SPIRE1: variants seen among roughly 807,000 people sequenced by gnomAD.
SPIRE1 encodes the protein spire type actin nucleation factor 1.
Under a neutral mutation model 94.1 loss-of-function variants are expected in SPIRE1, and 40 were observed. The observed-to-expected ratio is 0.43, with a 90% CI of 0.33 to 0.55. SPIRE1 has a LOEUF of 0.55. SPIRE1 is among the 20% of genes least tolerant of loss of function. The pLI, the probability that SPIRE1 is intolerant of heterozygous loss-of-function variation, is 0.06. For missense variants in SPIRE1, 838 were observed against 975.2 expected (o/e 0.86, Z 1.87); for synonymous variants, 376 against 371.7 (o/e 1.01, Z -0.13).
intron 4 of SPIRE1, among the ~76,000 whole-genome samples, chr18:12,530,368 C>T (rs1376020849): frequency 2.6e-5 from 4 of 152,080 alleles, no homozygotes; most frequent in East Asian, 1.9e-4. Context: ...GCCTCCTCCC[C>T]GATTTTTATG....
chr18:12,591,035 A>G (rs2036520711), intron 2 of SPIRE1, among the ~76,000 whole-genome samples: 1 of 152,244 alleles, frequency 6.6e-6, no homozygotes, highest in South Asian at 2.1e-4. Context: ...AGGCAATAAG[A>G]TTAATAAACA....
At chr18:12,531,042 T>C (rs2034667090) in intron 4 of SPIRE1, among the ~76,000 whole-genome samples, 1 of 152,216 alleles carries the variant, frequency 6.6e-6, no homozygotes, top group South Asian at 2.1e-4. Flanking sequence ...ACTCTATCTT[T>C]TCTCATTTCA....
chr18:12,495,534 TAA>T (rs2033426778), intron 7 of SPIRE1, among the ~76,000 whole-genome samples: 1 of 152,124 alleles, frequency 6.6e-6, no homozygotes, highest in African/African-American at 2.4e-5. Context: ...TTGTTTTGAG[TAA>T]AAGTATCCTA....
rs550870234 is a variant in SPIRE1 at position 12,508,955 on chromosome 18, G to A, written c.808-2314C>T. ...CTCCCAAAGTGCTGAGATTACAGGC[G>A]TGAGGCCCTGTGCCTGGCCCACACT... On this transcript the variant is annotated intron_variant, in intron 5 of 16. Coordinates refer to ENST00000409402, the MANE Select transcript of SPIRE1 (RefSeq NM_001128626.2). 3.3e-5 allele frequency among the ~76,000 whole-genome samples: 5 copies of A among 152,270 alleles called. No individual in the cohort carries two copies. The South Asian group carries it at 1.0e-3, about 32-fold the overall frequency.
At position 12,623,273 on chromosome 18, in the gene SPIRE1, C is replaced by A. The variant is rs1305605076; in HGVS notation, c.372+11789G>T. On this transcript the variant is annotated intron_variant, in intron 2 of 16. Coordinates refer to ENST00000409402, the MANE Select transcript of SPIRE1 (RefSeq NM_001128626.2). Reference sequence around the variant, plus strand: ...GGTTCATGCCATTCTCCTGCCTCAGCCTCCTGAGTAGCTGGGACTACAGGC... The same window carrying A: ...GGTTCATGCCATTCTCCTGCCTCAGACTCCTGAGTAGCTGGGACTACAGGC... Among the ~76,000 whole-genome samples, 5 of 152,068 alleles carry A rather than the reference C, an allele frequency of 3.3e-5. No individual in the cohort carries two copies. The East Asian group carries it at 9.8e-4, about 30-fold the overall frequency.
In SPIRE1 at chr18:12,451,556, G is replaced by A. The variant is rs546309528; in HGVS notation, c.2012+699C>T. On this transcript the variant is annotated intron_variant, in intron 16 of 16. Transcript: ENST00000409402. The stretch of plus-strand genomic sequence containing the variant: ...AAATTCACACCCAGAGGTCTCAGAG[G>A]AGGCAGCCCAAGCACAGAGGCAGAC... Among the ~76,000 whole-genome samples, 23 of 152,294 alleles carry A rather than the reference G, an allele frequency of 1.5e-4. No homozygotes were observed. In the South Asian group the frequency reaches 2.9e-3, roughly 19 times the overall value.
intron 10 of SPIRE1, among the ~76,000 whole-genome samples, chr18:12,473,190 T>C (rs987290056): frequency 6.6e-6 from 1 of 152,270 alleles, no homozygotes; most frequent in East Asian, 1.9e-4. Context: ...CCCAGAGTGC[T>C]GGGATTATAG....
At chr18:12,484,706 G>A (rs1356756571) in intron 9 of SPIRE1, among the ~76,000 whole-genome samples, 2 of 152,130 alleles carry the variant, frequency 1.3e-5, no homozygotes, top group African/African-American at 4.8e-5. Context: ...TAAAACAGTA[G>A]CTTCCAAAAT....
At chr18:12,573,460 G>A (rs2036009594) in intron 2 of SPIRE1, among the ~76,000 whole-genome samples, 1 of 152,260 alleles carries the variant, frequency 6.6e-6, no homozygotes, top group East Asian at 1.9e-4. Flanking sequence ...TGGCAAATAT[G>A]CTTCTTGGTA....
At chr18:12,498,790 C>A (rs1273361793) in intron 6 of SPIRE1, among the ~76,000 whole-genome samples, 1 of 152,124 alleles carries the variant, frequency 6.6e-6, no homozygotes, top group East Asian at 1.9e-4. Flanking sequence ...CCATCCCCAG[C>A]TAGTTTTTAA....
chr18:12,619,066 T>G (rs1019466298), intron 2 of SPIRE1, among the ~76,000 whole-genome samples: 1 of 152,042 alleles, frequency 6.6e-6, no homozygotes, highest in Non-Finnish European at 1.5e-5. Context: ...GTATTTTTAG[T>G]AGAGACAGGG....
intron 2 of SPIRE1, among the ~76,000 whole-genome samples, chr18:12,553,524 T>C (rs1444052166): frequency 6.6e-6 from 1 of 152,172 alleles, no homozygotes; most frequent in Non-Finnish European, 1.5e-5. Flanking sequence ...TGGGAAGGAC[T>C]GTGTCCCATG....
chr18:12,587,991 C>G (rs990578261), intron 2 of SPIRE1, among the ~76,000 whole-genome samples: 2 of 152,124 alleles, frequency 1.3e-5, no homozygotes, highest in African/African-American at 2.4e-5. Flanking sequence ...TTTTCTCCAA[C>G]CCTACTCCCT....
At chr18:12,620,129 A>G (rs962282589) in intron 2 of SPIRE1, among the ~76,000 whole-genome samples, 6 of 152,152 alleles carry the variant, frequency 3.9e-5, no homozygotes, top group African/African-American at 1.4e-4. Flanking sequence ...CCTAGGCAAC[A>G]TAACAAACCT....
intron 2 of SPIRE1, among the ~76,000 whole-genome samples, chr18:12,553,134 C>T (rs759048497): frequency 6.6e-6 from 1 of 152,084 alleles, no homozygotes; most frequent in Non-Finnish European, 1.5e-5. Flanking sequence ...TCAGGTGAGA[C>T]CCAGCCCCTT....
At chr18:12,520,972 A>G (rs934378457) in intron 4 of SPIRE1, among the ~76,000 whole-genome samples, 6 of 152,208 alleles carry the variant, frequency 3.9e-5, no homozygotes, top group Non-Finnish European at 8.8e-5. Flanking sequence ...AATTGGCCCT[A>G]TGACACTGGC....
chr18:12,612,728 C>T (rs1357216717), intron 2 of SPIRE1, among the ~76,000 whole-genome samples: 2 of 152,220 alleles, frequency 1.3e-5, no homozygotes, highest in African/African-American at 2.4e-5. Flanking sequence ...AACTCACCTG[C>T]CTCTAACTGA....
chr18:12,599,008 C>A (rs185151037), intron 2 of SPIRE1, among the ~76,000 whole-genome samples: 24 of 152,150 alleles, frequency 1.6e-4, no homozygotes, highest in African/African-American at 4.8e-4. Context: ...AATGTTTTAC[C>A]CCATTTGCTT....
At chr18:12,588,221 A>G (rs1028389129) in intron 2 of SPIRE1, among the ~76,000 whole-genome samples, 4 of 152,166 alleles carry the variant, frequency 2.6e-5, no homozygotes, top group African/African-American at 9.7e-5. Flanking sequence ...TCATCAGTTG[A>G]TAGATATTTA....
Sources: gnomAD v4.1 joint callset for allele counts (sites outside exome capture counted in the v4.1 genomes callset) on GRCh38, gnomAD v4.1.1 for gene constraint, MANE v1.5 for transcripts, NCBI Gene and HGNC (gene_info 2026-07-23, HGNC 2026-07-21) for gene names.